MYO9B: variants seen among roughly 807,000 people sequenced by gnomAD.
The protein encoded by MYO9B is myosin IXB, also known as unconventional myosin-IXb.
MYO9B carries 71 observed loss-of-function variants against 229.5 expected under a neutral mutation model. That is an observed-to-expected ratio of 0.31 (90% confidence interval 0.26 to 0.38). MYO9B has a LOEUF of 0.38. Among genes scored for constraint, MYO9B ranks in the 10% least tolerant of loss-of-function variants. The probability of loss-of-function intolerance (pLI) is 1.00; values close to 1 mark genes in which losing one functional copy is unlikely to be tolerated. For missense variants in MYO9B, 2,255 were observed against 2,920.5 expected, an observed-to-expected ratio of 0.77 and a Z score of 5.25; for synonymous variants, 1,185 against 1,235.8, an observed-to-expected ratio of 0.96 and a Z score of 0.86.
At chr19:17,161,481 C>A (rs2072601390) in intron 8 of MYO9B, among the ~76,000 whole-genome samples, 1 of 151,122 alleles carries the variant, frequency 6.6e-6, no homozygotes, top group Non-Finnish European at 1.5e-5. Context: ...GAGTTAGAGT[C>A]CAGCCTTGGC....
chr19:17,090,311 T>C (rs150019699), intron 1 of MYO9B, among the ~76,000 whole-genome samples: 1 of 151,886 alleles, frequency 6.6e-6, no homozygotes, highest in East Asian at 1.9e-4. Context: ...ACCTGGCTAA[T>C]TTTTGTGTTG....
chr19:17,198,077 C>A, intron 23 of MYO9B, 107 bp from the exon 24 acceptor site: 1 of 1,461,448 alleles, frequency 6.8e-7, no homozygotes, highest in Non-Finnish European at 9.1e-7. Flanking sequence ...AAAAAAAAAG[C>A]AGGAAGTGAG....
intron 1 of MYO9B, among the ~76,000 whole-genome samples, chr19:17,088,432 A>G (rs769476898): frequency 6.6e-6 from 1 of 152,164 alleles, no homozygotes; most frequent in Non-Finnish European, 1.5e-5. Context: ...TGAACTCCCC[A>G]CTGGAAATGC....
At chr19:17,082,065 CA>C (rs2057538550) in intron 1 of MYO9B, among the ~76,000 whole-genome samples, 1 of 152,132 alleles carries the variant, frequency 6.6e-6, no homozygotes. Context: ...ACTGCTGTCA[CA>C]AGTGATTGAA....
At chr19:17,203,301 C>T in intron 30 of MYO9B, 43 bp downstream of exon 30, 2 of 1,438,782 alleles carry the variant, frequency 1.4e-6, no homozygotes, top group Non-Finnish European at 1.9e-6. Context: ...TCCATGTCCC[C>T]CACCACCCCT....
chr19:17,096,706 GT>G (rs71180359), intron 1 of MYO9B, among the ~76,000 whole-genome samples: 19 of 21,396 alleles, frequency 8.9e-4, no homozygotes, highest in African/African-American at 3.1e-3. Flanking sequence ...GTTGTTGTTG[GT>G]TTTTTTTTTT....
chr19:17,112,247 G>T (rs1308877656), intron 2 of MYO9B, among the ~76,000 whole-genome samples: 1 of 152,156 alleles, frequency 6.6e-6, no homozygotes, highest in Admixed American at 6.5e-5. Context: ...AGGCTGCTTC[G>T]GGCGTGCTAA....
intron 2 of MYO9B, among the ~76,000 whole-genome samples, chr19:17,117,986 C>T (rs183544849): frequency 5.2e-4 from 78 of 149,284 alleles, no homozygotes; most frequent in African/African-American, 1.7e-3. Flanking sequence ...TTCTAGTTAG[C>T]GGGTATGTGA....
intron 1 of MYO9B, among the ~76,000 whole-genome samples, chr19:17,084,286 CAAGATGGTG>C (rs1385487230): frequency 6.7e-6 from 1 of 150,190 alleles, no homozygotes; most frequent in East Asian, 2.0e-4. Flanking sequence ...TGCAGTGAGC[CAAGATGGTG>C]CCACTGCACT....
At chr19:17,178,262 G>A (rs2072813129) in intron 14 of MYO9B, 1 of 152,242 alleles carries the variant, frequency 6.6e-6, no homozygotes. Flanking sequence ...ACAGGGGCTG[G>A]GGTCGGGTCC....
At chr19:17,080,284 G>A (rs546796062) in intron 1 of MYO9B, among the ~76,000 whole-genome samples, 34 of 152,310 alleles carry the variant, frequency 2.2e-4, no homozygotes, top group Non-Finnish European at 4.7e-4. Flanking sequence ...AGAACCGCAC[G>A]CTGGGTGGCC....
At position 17,158,931 on chromosome 19, in the gene MYO9B, C is replaced by T. The variant is rs558646189; in HGVS notation, c.1330-464C>T. On this transcript the variant is annotated intron_variant, in intron 7 of 39. Transcript: ENST00000682292. ...ATCGCAGGCCAGGTGCAGCGGCTCA[C>T]GCCTATAATCCCAGCACTTTGGGAG... Among the ~76,000 whole-genome samples the T allele has an allele frequency of 4.9e-4, 74 of 152,340 alleles. No individual in the cohort carries two copies. In the South Asian group the frequency reaches 0.015, roughly 30 times the overall value.
At chr19:17,090,718 C>T (rs557326674) in intron 1 of MYO9B, among the ~76,000 whole-genome samples, 88 of 152,152 alleles carry the variant, frequency 5.8e-4, no homozygotes, top group Non-Finnish European at 9.6e-4. Flanking sequence ...GGTGGTAGAG[C>T]GGGTGTGTTA....
intron 19 of MYO9B, among the ~76,000 whole-genome samples, chr19:17,189,879 C>T (rs1344339915): frequency 2.0e-5 from 3 of 151,354 alleles, no homozygotes; most frequent in Non-Finnish European, 2.9e-5. Flanking sequence ...CTGGCTACCA[C>T]GGTGAAACCC....
chr19:17,134,983 C>T (rs1396836131), intron 2 of MYO9B, among the ~76,000 whole-genome samples: 3 of 147,656 alleles, frequency 2.0e-5, no homozygotes, highest in Non-Finnish European at 4.5e-5. Flanking sequence ...AGGCTGGTCT[C>T]GAACTCCTGA....
chr19:17,113,378 G>A (rs1379267101), intron 2 of MYO9B, among the ~76,000 whole-genome samples: 3 of 152,162 alleles, frequency 2.0e-5, no homozygotes, highest in Non-Finnish European at 2.9e-5. Context: ...TCCTCCTCTC[G>A]GGTAGGCGCA....
At chr19:17,205,164 A>AGAAG in intron 30 of MYO9B, 99 bp from the exon 31 acceptor site, 1 of 748,910 alleles carries the variant, frequency 1.3e-6, no homozygotes, top group Non-Finnish European at 2.1e-6. Context: ...AAAAAAAAAA[A>AGAAG]AAGAAGGCAA....
chr19:17,144,689 C>T (rs933538984), intron 2 of MYO9B, among the ~76,000 whole-genome samples: 2 of 151,778 alleles, frequency 1.3e-5, no homozygotes, highest in Non-Finnish European at 2.9e-5. Context: ...AAATAAGAGA[C>T]CAGGGGTGGT....
intron 2 of MYO9B, among the ~76,000 whole-genome samples, chr19:17,135,450 A>G (rs150428326): frequency 6.6e-6 from 1 of 152,128 alleles, no homozygotes; most frequent in Non-Finnish European, 1.5e-5. Context: ...TGGACCCCAC[A>G]TGATACTCCA....
Sources: allele counts gnomAD v4.1 joint callset (sites outside exome capture counted in the v4.1 genomes callset), GRCh38; gene constraint gnomAD v4.1.1; transcripts MANE v1.5; gene names NCBI Gene and HGNC (gene_info 2026-07-23, HGNC 2026-07-21).